SHB: variants seen among roughly 807,000 people sequenced by gnomAD.
SHB encodes the protein SH2 domain-containing adapter protein B.
A neutral mutation model predicts 52.3 loss-of-function variants in SHB; 20 were observed. The ratio of observed to expected loss-of-function variants is 0.38; its 90% CI spans 0.27 to 0.56. The LOEUF is 0.56. Ranked by LOEUF, SHB falls within the 20% of genes least tolerant of loss-of-function variation. The pLI is 0.71. For missense variants in SHB, 825 were observed against 723.3 expected, an observed-to-expected ratio of 1.14 and a Z score of -1.61; for synonymous variants, 397 against 316.5, an observed-to-expected ratio of 1.25 and a Z score of -2.70.
intron 2 of SHB, among the ~76,000 whole-genome samples, chr9:37,982,979 C>CCCCA (rs1554702659): frequency 2.1e-3 from 315 of 151,514 alleles, no homozygotes; most frequent in Non-Finnish European, 2.9e-3. Context: ...TGGTGCCCCC[C>CCCCA]CCTCCATCTT....
rs77853809 is a variant in SHB, at chr9:37,989,600, T to A, written c.839-14763A>T. On this transcript the variant is annotated intron_variant, in intron 2 of 5. Coordinates refer to ENST00000377707, the MANE Select transcript of SHB (RefSeq NM_003028.3). Reference sequence around the variant, plus strand: ...CCTGATTGCAGACAGAGCCGGCAACTCCATTTAAGTGGGGAAACGGGAAAC... The same window carrying A: ...CCTGATTGCAGACAGAGCCGGCAACACCATTTAAGTGGGGAAACGGGAAAC... 8.3e-4 allele frequency among the ~76,000 whole-genome samples: 126 copies of A among 152,298 alleles called. No homozygotes were observed. In the East Asian group the frequency reaches 0.023, roughly 28 times the overall value.
intron 1 of SHB, among the ~76,000 whole-genome samples, chr9:38,023,201 G>A (rs1203354703): frequency 6.6e-6 from 1 of 152,234 alleles, no homozygotes; most frequent in South Asian, 2.1e-4. Flanking sequence ...AAAGGATGCC[G>A]CCAGGCAGGG....
At chr9:37,963,576 T>C (rs1420909629) in intron 3 of SHB, among the ~76,000 whole-genome samples, 3 of 151,868 alleles carry the variant, frequency 2.0e-5, no homozygotes, top group Admixed American at 2.0e-4. Flanking sequence ...CTGGCAGGGG[T>C]TCCTGCACAG....
chr9:37,961,723 C>T (rs547597273), intron 3 of SHB, among the ~76,000 whole-genome samples: 9 of 152,384 alleles, frequency 5.9e-5, no homozygotes, highest in African/African-American at 2.2e-4. Context: ...CTTCAGAGCT[C>T]AGCTCCAACG....
intron 5 of SHB, among the ~76,000 whole-genome samples, chr9:37,935,139 A>C (rs550046752): frequency 1.3e-5 from 2 of 152,176 alleles, no homozygotes; most frequent in Non-Finnish European, 2.9e-5. Flanking sequence ...GTGAGTCTGA[A>C]ATGTGGGTGT....
At chr9:38,035,822 A>G (rs1211787854) in intron 1 of SHB, among the ~76,000 whole-genome samples, 7 of 152,176 alleles carry the variant, frequency 4.6e-5, no homozygotes, top group African/African-American at 1.7e-4. Context: ...GGGAGCTTTT[A>G]CAATGCACCA....
intron 1 of SHB, among the ~76,000 whole-genome samples, chr9:38,017,391 G>C (rs1404173654): frequency 6.6e-6 from 1 of 152,232 alleles, no homozygotes; most frequent in Non-Finnish European, 1.5e-5. Context: ...TAAGGCATTT[G>C]AGGGGCCTGC....
Position 37,948,678 on chromosome 9 carries a change from G to C in SHB, c.1303C>G (p.Arg435Gly). The stretch of plus-strand genomic sequence containing the variant: ...TCATGCTTGCTGGTCTGGCTGTTCC[G>C]GACAAGGTAGCTACACTCCTTGCAG... ...RLCKECSYLV[R>G]NSQTSKHDYS... Residue 435 changes from arginine to glycine, a missense_variant, in exon 5 of 6, where the codon CGG becomes GGG. Physicochemically the swap from Arg to Gly is moderately radical, Grantham distance 125. Coordinates refer to ENST00000377707, the MANE Select transcript of SHB (RefSeq NM_003028.3). The C allele has an allele frequency of 3.7e-6, 6 of 1,613,902 alleles. No homozygotes were observed. The highest frequency in any genetic ancestry group is 5.1e-6 in the Non-Finnish European group (6 of 1,180,006).
rs1276231353 is a variant in SHB, at chr9:37,920,326, A to T, written c.1347-322T>A. On this transcript the variant is annotated intron_variant, in intron 5 of 5. Transcript: ENST00000377707. Reference sequence around the variant, plus strand: ...AAAACAAAACAAAACAAAACAAAACAAAACAAAACTTAGTCCCTCTTTTCT... The same window carrying T: ...AAAACAAAACAAAACAAAACAAAACTAAACAAAACTTAGTCCCTCTTTTCT... Among the ~76,000 whole-genome samples, 15 of 131,170 alleles carry T rather than the reference A, an allele frequency of 1.1e-4. 3 individuals are homozygous for T. Among genetic ancestry groups the T allele is most frequent in the African/African-American group, 4.4e-4 (15 of 34,398 alleles). The allele number at this position is 131,170 out of a possible 152,430, so 86.1% of individuals were successfully genotyped here. A position where few individuals can be genotyped will look rare whatever the true frequency, so the allele number is the denominator to read the frequency against.
chr9:37,991,161 G>T (rs1820875496), intron 2 of SHB, among the ~76,000 whole-genome samples: 1 of 152,144 alleles, frequency 6.6e-6, no homozygotes, highest in Non-Finnish European at 1.5e-5. Context: ...CTTGTTGAGG[G>T]TCTATGTGGA....
chr9:37,921,311 C>T (rs960244599), intron 5 of SHB, among the ~76,000 whole-genome samples: 1 of 152,184 alleles, frequency 6.6e-6, no homozygotes, highest in South Asian at 2.1e-4. Flanking sequence ...TCCAGCTCCG[C>T]CCCTAGCCGC....
At chr9:37,992,660 C>A (rs536922673) in intron 2 of SHB, among the ~76,000 whole-genome samples, 5 of 152,180 alleles carry the variant, frequency 3.3e-5, no homozygotes, top group African/African-American at 1.2e-4. Context: ...GTTCCCCTGG[C>A]CTGTTTCCTA....
Position 37,948,736 on chromosome 9 carries a change from G to C in SHB, c.1245C>G (p.Ile415Met). Reference sequence around the variant, plus strand: ...GCAGGTTCTCGGCGTCTCCTCTGCTGATGGCTCCGTGATACCATCTGTGGA... The same window carrying C: ...GCAGGTTCTCGGCGTCTCCTCTGCTCATGGCTCCGTGATACCATCTGTGGA... ...LEKQIWYHGA[I>M]SRGDAENLLR... The change falls in exon 5 of 6, where the codon ATC (isoleucine) becomes ATG (methionine). Residue 415 changes from isoleucine to methionine, a missense_variant. Coordinates refer to ENST00000377707, the MANE Select transcript of SHB (RefSeq NM_003028.3). 6.2e-7 allele frequency: 1 copy of C among 1,613,838 alleles called. No homozygotes were observed. Among genetic ancestry groups the C allele is most frequent in the Non-Finnish European group, 8.5e-7 (1 of 1,180,012 alleles).
chr9:37,998,578 G>A (rs1820977452), intron 2 of SHB, among the ~76,000 whole-genome samples: 1 of 152,096 alleles, frequency 6.6e-6, no homozygotes, highest in Non-Finnish European at 1.5e-5. Context: ...TCAGCCTCCC[G>A]AATAGCTGAG....
intron 5 of SHB, among the ~76,000 whole-genome samples, chr9:37,936,501 C>T (rs1243321697): frequency 6.6e-6 from 1 of 152,182 alleles, no homozygotes; most frequent in Admixed American, 6.5e-5. Flanking sequence ...AATATAATCT[C>T]CAAACGTTTC....
chr9:38,011,443 GC>G (rs138434321), intron 2 of SHB, among the ~76,000 whole-genome samples: 1,980 of 152,346 alleles, frequency 0.013, 40 homozygotes, highest in African/African-American at 0.045. Context: ...AGCCAGGCCA[GC>G]ACTGAGAAAG....
In SHB at chr9:37,998,876, T is replaced by G. The variant is rs182472821; in HGVS notation, c.838+17135A>C. The stretch of plus-strand genomic sequence containing the variant: ...GAGATGGAAGCAGAGGAAAGGCCCA[T>G]TTTTCATCCAGTTTCAACCAGCTCT... On this transcript the variant is annotated intron_variant, in intron 2 of 5. Coordinates refer to ENST00000377707, the MANE Select transcript of SHB (RefSeq NM_003028.3). Among the ~76,000 whole-genome samples, 4 of 152,328 alleles carry G rather than the reference T, an allele frequency of 2.6e-5. 1 individual carries two copies. The highest frequency in any genetic ancestry group is 2.6e-4 in the Admixed American group (4 of 15,302).
intron 1 of SHB, among the ~76,000 whole-genome samples, chr9:38,066,942 G>A (rs1484374524): frequency 6.6e-6 from 1 of 152,096 alleles, no homozygotes; most frequent in Non-Finnish European, 1.5e-5. Context: ...GCGCTGAGAA[G>A]GAAGGAGCTC....
chr9:38,067,341 T>C (rs1005084387), intron 1 of SHB, among the ~76,000 whole-genome samples: 2 of 151,558 alleles, frequency 1.3e-5, no homozygotes, highest in Non-Finnish European at 2.9e-5. Context: ...AAAGCACGCG[T>C]GGAGGTTCCC....
Sources: gnomAD v4.1 joint callset for allele counts (sites outside exome capture counted in the v4.1 genomes callset) on GRCh38, gnomAD v4.1.1 for gene constraint, MANE v1.5 for transcripts, NCBI Gene and HGNC (gene_info 2026-07-23, HGNC 2026-07-21) for gene names.